Variants in CEP350 observed in about 807,000 individuals in gnomAD.
CEP350 encodes centrosomal protein 350, also known as centrosome-associated protein 350.
In CEP350, 126 loss-of-function variants were observed where a neutral mutation model predicts 331.8. The observed-to-expected ratio is 0.38, with a 90% CI of 0.33 to 0.44. The LOEUF (loss-of-function observed/expected upper bound fraction) is 0.44. Among genes scored for constraint, CEP350 ranks in the 20% least tolerant of loss-of-function variants. The pLI is 1.00. For synonymous variants in CEP350, 1,200 were observed against 1,259.5 expected, an observed-to-expected ratio of 0.95 and a Z score of 1.00; for missense variants, 3,406 against 3,634.6, an observed-to-expected ratio of 0.94 and a Z score of 1.62.
chr1:179,961,074 A>G (rs1220087610), intron 1 of CEP350, among the ~76,000 whole-genome samples: 4 of 152,192 alleles, frequency 2.6e-5, no homozygotes, highest in Non-Finnish European at 5.9e-5. Context: ...TTTTTAAATA[A>G]AAAGAATAGA....
intron 8 of CEP350, among the ~76,000 whole-genome samples, chr1:180,007,839 C>CGTGTGTGTGTGTGTGTGT (rs71118426): frequency 7.8e-5 from 11 of 141,010 alleles, no homozygotes; most frequent in African/African-American, 2.3e-4. Flanking sequence ...TTTTATGTAT[C>CGTGTGTGTGTGTGTGTGT]GTGTGTGTGT....
At chr1:180,004,906 G>GCTTGCTTGCTTGCTTGCTTTCTTTCTTT (rs1363516834) in intron 7 of CEP350, among the ~76,000 whole-genome samples, 33 of 130,864 alleles carry the variant, frequency 2.5e-4, no homozygotes, top group Middle Eastern at 7.8e-3. Context: ...TTGCTTGCTT[G>GCTTGCTTGCTTGCTTGCTTTCTTTCTTT]CTTTCTTTCT....
chr1:180,100,902 C>T (rs1409350062), intron 37 of CEP350, among the ~76,000 whole-genome samples: 1 of 152,210 alleles, frequency 6.6e-6, no homozygotes, highest in Admixed American at 6.5e-5. Flanking sequence ...TTACCTCCCC[C>T]TGGGTCCCTC....
In CEP350 at chr1:180,043,849, GTC is replaced by G. The variant is rs575100993; in HGVS notation, c.4500-198_4500-197del. Among the ~76,000 whole-genome samples the G allele has an allele frequency of 1.2e-4, 18 of 151,834 alleles. No homozygotes were observed. The South Asian group carries it at 1.9e-3, about 16-fold the overall frequency. On this transcript the variant is annotated intron_variant, in intron 20 of 37. Coordinates refer to ENST00000367607, the MANE Select transcript of CEP350 (RefSeq NM_014810.5). ...ACTGTCTCTAATTCATAGATTTTAA[GTC>G]TCTGTTTACATTCATTGATACTAGG...
chr1:179,965,806 A>G (rs969667667), intron 1 of CEP350, among the ~76,000 whole-genome samples: 1 of 150,948 alleles, frequency 6.6e-6, no homozygotes, highest in Non-Finnish European at 1.5e-5. Flanking sequence ...TTGTACTTTT[A>G]GTAGAGACGG....
intron 26 of CEP350, among the ~76,000 whole-genome samples, chr1:180,063,308 CAGCCTCCCG>C (rs1325039770): frequency 2.0e-5 from 3 of 150,874 alleles, no homozygotes; most frequent in Admixed American, 6.6e-5. Context: ...CCTCTCACCT[CAGCCTCCCG>C]AGTAGCTGGG....
intron 27 of CEP350, among the ~76,000 whole-genome samples, chr1:180,074,437 G>GA (rs947104436): frequency 9.9e-5 from 15 of 151,908 alleles, no homozygotes; most frequent in Non-Finnish European, 1.6e-4. Context: ...TTCTCTCCAT[G>GA]AAAAAAAAGA....
chr1:180,104,049 A>AAT (rs1476749550), intron 37 of CEP350, among the ~76,000 whole-genome samples: 5 of 139,952 alleles, frequency 3.6e-5, no homozygotes, highest in Admixed American at 1.4e-4. Flanking sequence ...AATATATACA[A>AAT]ATATATATTT....
chr1:180,111,091 C>A lies in CEP350; in HGVS notation c.9284C>A (p.Thr3095Asn), dbSNP rs773262904. ...KMQLADGIFE[T>N]LIKDTIDVLN... The stretch of plus-strand genomic sequence containing the variant: ...CAGCTAGCCGACGGGATCTTTGAGA[C>A]CCTGATCAAAGATACTATTGATGTT... The change falls in exon 38 of 38, where the codon ACC becomes AAC. Residue 3095 changes from threonine to asparagine, a missense_variant. Thr to Asn is a moderately conservative substitution (Grantham distance 65). This residue lies in a region of CEP350 where 29 missense variants were observed against 52.8 expected (regional missense o/e 0.55). Transcript: ENST00000367607. 1 of 1,613,922 alleles carries A rather than the reference C, an allele frequency of 6.2e-7. No homozygotes were observed. The highest frequency in any genetic ancestry group is 8.5e-7 in the Non-Finnish European group (1 of 1,179,860).
chr1:180,019,311 C>G (rs569424368), intron 11 of CEP350, among the ~76,000 whole-genome samples: 1 of 152,054 alleles, frequency 6.6e-6, no homozygotes, highest in South Asian at 2.1e-4. Flanking sequence ...TAATGGATAC[C>G]CTACCCTGTA....
chr1:180,041,427 T>C (rs1656751858), intron 18 of CEP350, among the ~76,000 whole-genome samples, 179 bp downstream of exon 18: 2 of 152,222 alleles, frequency 1.3e-5, no homozygotes, highest in Admixed American at 1.3e-4. Flanking sequence ...GTGAAATAAA[T>C]TGTCAAGACT....
rs370417571 is a variant in CEP350 at position 180,109,157 on chromosome 1, C to T, written c.9190-1840C>T. On this transcript the variant is annotated intron_variant, in intron 37 of 37. Coordinates refer to ENST00000367607, the MANE Select transcript of CEP350 (RefSeq NM_014810.5). ...TTTTTTTGAGATGGAGTCACTCTGT[C>T]GCCTAGGCTGGAGTGCAGTGGCGCA... Among the ~76,000 whole-genome samples the T allele has an allele frequency of 9.1e-5, 13 of 142,988 alleles. No individual in the cohort carries two copies. The East Asian group carries it at 2.1e-3, about 23-fold the overall frequency. The allele number at this position is 142,988 out of a possible 152,430, so 93.8% of individuals were successfully genotyped here.
At position 180,032,979 on chromosome 1, in the gene CEP350, A is replaced by G. The variant is rs527365939; in HGVS notation, c.3726-883A>G. On this transcript the variant is annotated intron_variant, in intron 15 of 37. Coordinates refer to ENST00000367607, the MANE Select transcript of CEP350 (RefSeq NM_014810.5). The stretch of plus-strand genomic sequence containing the variant: ...AAACACATGAGTGCCTCTCAGGCCT[A>G]CTTCTATTCAACTATTTTTATGCTG... 2.0e-5 allele frequency among the ~76,000 whole-genome samples: 3 copies of G among 152,134 alleles called. No individual in the cohort carries two copies. The East Asian group carries it at 5.8e-4, about 29-fold the overall frequency.
intron 32 of CEP350, among the ~76,000 whole-genome samples, chr1:180,089,122 G>T (rs1347399974): frequency 1.3e-5 from 2 of 152,140 alleles, no homozygotes; most frequent in African/African-American, 4.8e-5. Context: ...ACCAGAGAGT[G>T]ACACAGTCAT....
At chr1:180,036,097 A>G (rs548604816) in intron 16 of CEP350, among the ~76,000 whole-genome samples, 51 of 152,322 alleles carry the variant, frequency 3.3e-4, no homozygotes, top group African/African-American at 1.2e-3. Flanking sequence ...TCAGTGGAGG[A>G]AATAACTGCA....
chr1:180,084,893 A>C (rs1216066736), intron 31 of CEP350, among the ~76,000 whole-genome samples: 1 of 152,106 alleles, frequency 6.6e-6, no homozygotes. Context: ...TAAATATTAA[A>C]ATAAAGTATT....
At chr1:180,106,733 C>T (rs987765087) in intron 37 of CEP350, among the ~76,000 whole-genome samples, 3 of 151,780 alleles carry the variant, frequency 2.0e-5, no homozygotes, top group Non-Finnish European at 2.9e-5. Flanking sequence ...CGACCAGCCT[C>T]GTGTATTATT....
chr1:180,019,269 T>G (rs1221628316), intron 11 of CEP350, among the ~76,000 whole-genome samples: 1 of 152,242 alleles, frequency 6.6e-6, no homozygotes, highest in Non-Finnish European at 1.5e-5. Context: ...CACATAATGT[T>G]GTTTAGGACA....
chr1:180,040,643 A>C (rs1472641623), intron 17 of CEP350, among the ~76,000 whole-genome samples: 1 of 146,998 alleles, frequency 6.8e-6, no homozygotes, highest in South Asian at 2.2e-4. Context: ...GAGATGAAAA[A>C]AAAAATATAT....
Sources: allele counts gnomAD v4.1 joint callset (sites outside exome capture counted in the v4.1 genomes callset), GRCh38; gene constraint gnomAD v4.1.1; regional missense constraint gnomAD v4.1.1; transcripts MANE v1.5; gene names NCBI Gene and HGNC (gene_info 2026-07-23, HGNC 2026-07-21).